The following SOX5 variants were observed in gnomAD, a reference collection of about 807,000 sequenced individuals.
SOX5 encodes transcription factor SOX-5.
In SOX5, 9 loss-of-function variants were observed where a neutral mutation model predicts 92.0. The ratio of observed to expected loss-of-function variants is 0.10; its 90% CI spans 0.06 to 0.17. The LOEUF is 0.17. Among genes scored for constraint, SOX5 ranks in the 10% least tolerant of loss-of-function variants. SOX5 has a pLI of 1.00. For missense variants in SOX5, 642 were observed against 944.5 expected, an observed-to-expected ratio of 0.68 and a Z score of 4.20; for synonymous variants, 344 against 336.3, an observed-to-expected ratio of 1.02 and a Z score of -0.25.
chr12:23,727,656 G>A (rs1240548588), intron 6 of SOX5, among the ~76,000 whole-genome samples: 3 of 152,116 alleles, frequency 2.0e-5, no homozygotes, highest in Non-Finnish European at 4.4e-5. Context: ...TTGAGGAAGG[G>A]GAAAGGAGAG....
chr12:23,861,198 C>T (rs915413222), intron 2 of SOX5, among the ~76,000 whole-genome samples: 2 of 152,012 alleles, frequency 1.3e-5, no homozygotes, highest in African/African-American at 2.4e-5. Context: ...GCTCTCAGAA[C>T]GCTGAGTTCT....
chr12:23,651,904 G>A (rs1447146338), intron 7 of SOX5, among the ~76,000 whole-genome samples: 1 of 151,628 alleles, frequency 6.6e-6, no homozygotes, highest in Admixed American at 6.6e-5. Context: ...TTATTTAGAA[G>A]GCTGATTATG....
intron 2 of SOX5, among the ~76,000 whole-genome samples, chr12:23,893,251 T>C (rs953058117): frequency 2.6e-5 from 4 of 151,950 alleles, no homozygotes; most frequent in African/African-American, 9.7e-5. Flanking sequence ...ATCGAGACCA[T>C]CCTGGCCAAC....
chr12:23,553,203 A>T (rs1352736582), intron 11 of SOX5, among the ~76,000 whole-genome samples: 1 of 152,064 alleles, frequency 6.6e-6, no homozygotes, highest in African/African-American at 2.4e-5. Flanking sequence ...AAATTATGAA[A>T]AAAACAAAAA....
At chr12:23,838,920 A>C (rs1594925467) in intron 3 of SOX5, among the ~76,000 whole-genome samples, 1 of 148,534 alleles carries the variant, frequency 6.7e-6, no homozygotes, top group Admixed American at 6.7e-5. Flanking sequence ...GCTCACTGCA[A>C]CCTCCACCTC....
At chr12:24,430,023 C>G (rs1027690429) in intron 1 of SOX5, among the ~76,000 whole-genome samples, 1 of 152,042 alleles carries the variant, frequency 6.6e-6, no homozygotes, top group African/African-American at 2.4e-5. Flanking sequence ...AGTTTTTAAC[C>G]TTGTTTTACT....
chr12:24,327,359 G>A (rs1229554266), intron 2 of SOX5, among the ~76,000 whole-genome samples: 3 of 133,186 alleles, frequency 2.3e-5, no homozygotes, highest in African/African-American at 8.3e-5. Context: ...CACAGAAGCA[G>A]AAATGAAGGG....
chr12:24,505,085 T>G (rs532243685), intron 1 of SOX5, among the ~76,000 whole-genome samples: 1 of 152,344 alleles, frequency 6.6e-6, no homozygotes, highest in Admixed American at 6.5e-5. Flanking sequence ...AGGTTTAAGA[T>G]CTGACCATGT....
At chr12:23,730,245 T>G (rs1459543402) in intron 6 of SOX5, among the ~76,000 whole-genome samples, 1 of 152,128 alleles carries the variant, frequency 6.6e-6, no homozygotes, top group Admixed American at 6.5e-5. Context: ...TTCCAAAAAT[T>G]CTAGAAAGAT....
chr12:23,591,996 A>G (rs1951635802), intron 9 of SOX5, among the ~76,000 whole-genome samples: 3 of 152,186 alleles, frequency 2.0e-5, no homozygotes, highest in South Asian at 2.1e-4. Context: ...AAAGCAAATC[A>G]TAACAGTTCA....
intron 1 of SOX5, among the ~76,000 whole-genome samples, chr12:23,911,873 C>G (rs181886743): frequency 6.6e-6 from 1 of 152,064 alleles, no homozygotes; most frequent in African/African-American, 2.4e-5. Flanking sequence ...AGAACATCTT[C>G]GTGGCCTTGG....
chr12:23,780,484 G>T (rs2095254193), intron 3 of SOX5, among the ~76,000 whole-genome samples: 1 of 151,520 alleles, frequency 6.6e-6, no homozygotes, highest in Non-Finnish European at 1.5e-5. Flanking sequence ...AATAATAAGT[G>T]CTAACTGGGT....
intron 10 of SOX5, among the ~76,000 whole-genome samples, chr12:23,567,716 A>C (rs12371533): frequency 0.33 from 50,795 of 151,880 alleles, 8,825 homozygotes; most frequent in Non-Finnish European, 0.39. Context: ...TTGGCCTCCC[A>C]AAGTGCTAGG....
intron 3 of SOX5, among the ~76,000 whole-genome samples, chr12:24,248,799 T>C (rs987245278): frequency 6.6e-6 from 1 of 152,228 alleles, no homozygotes; most frequent in Admixed American, 6.5e-5. Context: ...AGCCTTTCTT[T>C]CTAACTTTGG....
chr12:23,970,395 A>T (rs1012582458), intron 4 of SOX5, among the ~76,000 whole-genome samples: 1 of 152,118 alleles, frequency 6.6e-6, no homozygotes, highest in Non-Finnish European at 1.5e-5. Flanking sequence ...TCTGTTCTCG[A>T]AACTTTTTCA....
At chr12:23,809,389 C>A (rs780984071) in intron 3 of SOX5, among the ~76,000 whole-genome samples, 2 of 151,696 alleles carry the variant, frequency 1.3e-5, no homozygotes, top group African/African-American at 2.4e-5. Flanking sequence ...AATGTGAAAA[C>A]CAGAATTTCT....
intron 6 of SOX5, among the ~76,000 whole-genome samples, chr12:23,731,783 C>A (rs1414701906): frequency 6.6e-6 from 1 of 152,130 alleles, no homozygotes; most frequent in Admixed American, 6.5e-5. Context: ...ATATATGAAA[C>A]AAACATTTTA....
chr12:24,029,375 A>C (rs1254186383), intron 4 of SOX5, among the ~76,000 whole-genome samples: 1 of 151,962 alleles, frequency 6.6e-6, no homozygotes, highest in Admixed American at 6.6e-5. Context: ...CCTAAGGTCA[A>C]GCTGTTCTCC....
chr12:23,603,387 T>G (rs960457416), intron 9 of SOX5, among the ~76,000 whole-genome samples: 2 of 148,688 alleles, frequency 1.3e-5, no homozygotes, highest in Non-Finnish European at 3.0e-5. Flanking sequence ...ATGGCATTCA[T>G]GGGATGGAGA....
Sources: gnomAD v4.1 joint callset for allele counts (sites outside exome capture counted in the v4.1 genomes callset) on GRCh38, gnomAD v4.1.1 for gene constraint, MANE v1.5 for transcripts, NCBI Gene and HGNC (gene_info 2026-07-23, HGNC 2026-07-21) for gene names.